Variants in TNIK observed in about 807,000 individuals in gnomAD.
The protein encoded by TNIK is TRAF2 and NCK-interacting protein kinase.
In TNIK, 49 loss-of-function variants were observed where a neutral mutation model predicts 191.3. The observed-to-expected ratio is 0.26, with a 90% CI of 0.20 to 0.32. TNIK has a LOEUF of 0.32. TNIK is among the 10% of genes least tolerant of loss of function. The pLI, the probability that TNIK is intolerant of heterozygous loss-of-function variation, is 1.00. For synonymous variants in TNIK, 594 were observed against 600.9 expected, an observed-to-expected ratio of 0.99 and a Z score of 0.17; for missense variants, 1,155 against 1,702.3, an observed-to-expected ratio of 0.68 and a Z score of 5.66.
intron 2 of TNIK, among the ~76,000 whole-genome samples, chr3:171,313,129 G>A (rs533821792): frequency 5.9e-5 from 9 of 151,958 alleles, no homozygotes; most frequent in Non-Finnish European, 1.2e-4. Flanking sequence ...TTTACCAGCA[G>A]GTAGTTTATA....
chr3:171,270,885 G>C (rs1256828687), intron 2 of TNIK, among the ~76,000 whole-genome samples: 1 of 152,154 alleles, frequency 6.6e-6, no homozygotes, highest in Non-Finnish European at 1.5e-5. Flanking sequence ...AACAGAGTCT[G>C]GCACATAACA....
intron 2 of TNIK, chr3:171,346,982 T>C (rs547376449): frequency 4.8e-6 from 3 of 626,552 alleles, no homozygotes; most frequent in East Asian, 2.9e-5. Flanking sequence ...ACAGTAGGAA[T>C]GTAGGGGCTG....
chr3:171,099,072 A>G (rs1723098973), intron 22 of TNIK, among the ~76,000 whole-genome samples: 1 of 152,136 alleles, frequency 6.6e-6, no homozygotes. Context: ...GCATTCCATG[A>G]TAGCCTCAGT....
At chr3:171,161,718 A>G (rs1339682873) in intron 10 of TNIK, among the ~76,000 whole-genome samples, 2 of 151,912 alleles carry the variant, frequency 1.3e-5, no homozygotes, top group African/African-American at 4.8e-5. Context: ...GGAGATCGAG[A>G]CCATCCTGGC....
chr3:171,404,019 A>G (rs961297689), intron 1 of TNIK, among the ~76,000 whole-genome samples: 2 of 152,240 alleles, frequency 1.3e-5, no homozygotes, highest in Non-Finnish European at 2.9e-5. Context: ...ATCAGTGAAG[A>G]TAAGAGAAGT....
At chr3:171,203,730 T>G (rs1270580946) in intron 4 of TNIK, among the ~76,000 whole-genome samples, 1 of 152,216 alleles carries the variant, frequency 6.6e-6, no homozygotes, top group East Asian at 1.9e-4. Flanking sequence ...AGAATCCAAA[T>G]GCCAGACACA....
At chr3:171,368,933 T>C (rs528566718) in intron 2 of TNIK, among the ~76,000 whole-genome samples, 645 of 37,850 alleles carry the variant, frequency 0.017, 3 homozygotes, top group African/African-American at 0.035. Context: ...TTCACTTTCA[T>C]TTTTTTTGTT....
chr3:171,266,157 A>C (rs918907243), intron 2 of TNIK, among the ~76,000 whole-genome samples: 1 of 152,216 alleles, frequency 6.6e-6, no homozygotes, highest in Non-Finnish European at 1.5e-5. Context: ...AAGGAAGAAA[A>C]TAGCAGGAAA....
At chr3:171,074,053 A>G (rs1719573934) in intron 28 of TNIK, among the ~76,000 whole-genome samples, 1 of 151,232 alleles carries the variant, frequency 6.6e-6, no homozygotes, top group Admixed American at 6.6e-5. Context: ...TTTTAAATCA[A>G]AAGGGCACCT....
At chr3:171,252,649 T>TA (rs1746372183) in intron 2 of TNIK, among the ~76,000 whole-genome samples, 1 of 152,242 alleles carries the variant, frequency 6.6e-6, no homozygotes, top group Non-Finnish European at 1.5e-5. Flanking sequence ...AGCGATATTT[T>TA]ACATCATTGC....
At chr3:171,418,646 G>A (rs1723378898) in intron 1 of TNIK, among the ~76,000 whole-genome samples, 1 of 152,188 alleles carries the variant, frequency 6.6e-6, no homozygotes, top group African/African-American at 2.4e-5. Flanking sequence ...TACAGGGACA[G>A]AAAGTAGATT....
intron 13 of TNIK, 80 bp downstream of exon 13, chr3:171,140,319 A>G: frequency 8.4e-7 from 1 of 1,185,790 alleles, no homozygotes; most frequent in Non-Finnish European, 1.2e-6. Context: ...ATTCCTCAGA[A>G]AAGGTGACCC....
intron 2 of TNIK, among the ~76,000 whole-genome samples, chr3:171,313,118 T>C (rs1036883692): frequency 1.3e-5 from 2 of 151,912 alleles, no homozygotes; most frequent in Non-Finnish European, 2.9e-5. Flanking sequence ...ACTGAAGAGA[T>C]TTTACCAGCA....
intron 2 of TNIK, among the ~76,000 whole-genome samples, chr3:171,250,887 C>T (rs779639101): frequency 6.6e-6 from 1 of 152,216 alleles, no homozygotes; most frequent in Non-Finnish European, 1.5e-5. Flanking sequence ...CAATCCTCTG[C>T]TGCAACAATT....
chr3:171,064,500 A>T lies in TNIK; in HGVS notation c.4000-536T>A, dbSNP rs149708453. The stretch of plus-strand genomic sequence containing the variant: ...TAAAAACATTAAATAGTGTGGTCAG[A>T]TAGGGCAAGGTATTTAATGCCTACT... On this transcript the variant is annotated intron_variant, in intron 32 of 32. Coordinates refer to ENST00000436636, the MANE Select transcript of TNIK (RefSeq NM_015028.4). Among the ~76,000 whole-genome samples, 4 of 152,340 alleles carry T rather than the reference A, an allele frequency of 2.6e-5. No individual in the cohort carries two copies. The East Asian group carries it at 7.7e-4, about 29-fold the overall frequency.
intron 2 of TNIK, among the ~76,000 whole-genome samples, chr3:171,242,884 T>C (rs1745151641): frequency 6.6e-6 from 1 of 152,190 alleles, no homozygotes; most frequent in Non-Finnish European, 1.5e-5. Context: ...TTATTTCTGT[T>C]TTTACATTTT....
At chr3:171,160,841 A>C (rs1733895119) in intron 11 of TNIK, among the ~76,000 whole-genome samples, 1 of 152,238 alleles carries the variant, frequency 6.6e-6, no homozygotes, top group Admixed American at 6.5e-5. Context: ...ATACCAAGGC[A>C]TGTGACAAGG....
chr3:171,189,944 C>A (rs1577074618), intron 6 of TNIK, among the ~76,000 whole-genome samples: 1 of 152,000 alleles, frequency 6.6e-6, no homozygotes, highest in Admixed American at 6.6e-5. Flanking sequence ...AAAGGAAGAG[C>A]AAATGTTTGG....
intron 2 of TNIK, among the ~76,000 whole-genome samples, chr3:171,285,958 T>C (rs1750962635): frequency 7.0e-6 from 1 of 143,458 alleles, no homozygotes; most frequent in Non-Finnish European, 1.5e-5. Context: ...GATCATTTGA[T>C]GGTTTGGCCT....
Sources: gnomAD v4.1 joint callset for allele counts (sites outside exome capture counted in the v4.1 genomes callset) on GRCh38, gnomAD v4.1.1 for gene constraint, MANE v1.5 for transcripts, NCBI Gene and HGNC (gene_info 2026-07-23, HGNC 2026-07-21) for gene names.